The following TOX2 variants were observed in gnomAD, a reference collection of about 807,000 sequenced individuals.
The protein encoded by TOX2 is granulosa cell HMG box 1.
TOX2 carries 15 observed loss-of-function variants against 47.4 expected under a neutral mutation model. That is an observed-to-expected ratio of 0.32 (90% CI 0.21 to 0.49). The LOEUF is 0.49. TOX2 is among the 20% of genes least tolerant of loss of function. The pLI is 0.99. For synonymous variants in TOX2, 290 were observed against 296.6 expected (o/e 0.98, Z 0.23); for missense variants, 622 against 673.1 (o/e 0.92, Z 0.84).
chr20:43,960,382 C>T (rs574513918), intron 1 of TOX2, among the ~76,000 whole-genome samples: 1 of 152,276 alleles, frequency 6.6e-6, no homozygotes, highest in South Asian at 2.1e-4. Flanking sequence ...CAACACTCAC[C>T]CCCTGGGCAT....
chr20:43,975,654 C>T (rs974471373), intron 2 of TOX2, among the ~76,000 whole-genome samples: 5 of 152,138 alleles, frequency 3.3e-5, no homozygotes, highest in African/African-American at 1.2e-4. Context: ...CGTTAGGTCC[C>T]CTTTCCATGA....
intron 1 of TOX2, among the ~76,000 whole-genome samples, chr20:43,957,932 A>G (rs1166165004): frequency 6.6e-6 from 1 of 152,160 alleles, no homozygotes; most frequent in East Asian, 1.9e-4. Context: ...TATCACGAGA[A>G]CAGCAAGGGG....
At chr20:43,959,082 A>C (rs924637521) in intron 1 of TOX2, among the ~76,000 whole-genome samples, 1 of 152,188 alleles carries the variant, frequency 6.6e-6, no homozygotes, top group African/African-American at 2.4e-5. Context: ...TCAAGAACAG[A>C]GGGGTGGCTC....
intron 7 of TOX2, 26 bp from the exon 8 acceptor site, chr20:44,066,704 A>C: frequency 6.2e-7 from 1 of 1,613,934 alleles, no homozygotes; most frequent in Non-Finnish European, 8.5e-7. Flanking sequence ...TCCTTGGCTC[A>C]TGGCCTCCTC....
At chr20:44,030,204 T>G (rs1030047158) in intron 3 of TOX2, among the ~76,000 whole-genome samples, 6 of 152,278 alleles carry the variant, frequency 3.9e-5, no homozygotes, top group African/African-American at 1.4e-4. Flanking sequence ...TCTTCTCCTA[T>G]GTAAGCAGCC....
At chr20:43,939,055 A>G (rs78512137) in intron 1 of TOX2, among the ~76,000 whole-genome samples, 1,569 of 152,296 alleles carry the variant, frequency 0.01, 29 homozygotes, top group African/African-American at 0.036. Flanking sequence ...CCATCCAGAC[A>G]GGATGCCAAA....
chr20:43,964,954 C>T (rs942780014), intron 1 of TOX2, among the ~76,000 whole-genome samples: 1 of 152,190 alleles, frequency 6.6e-6, no homozygotes, highest in African/African-American at 2.4e-5. Flanking sequence ...TCTGGAAAGA[C>T]CCTCTGCCTT....
chr20:43,952,799 C>T (rs973151636), intron 1 of TOX2, among the ~76,000 whole-genome samples: 1 of 152,150 alleles, frequency 6.6e-6, no homozygotes, highest in East Asian at 1.9e-4. Context: ...CACAGTTAGT[C>T]GGTACTTACG....
intron 1 of TOX2, among the ~76,000 whole-genome samples, chr20:43,951,707 G>GGTTTGTTTTTTTT (rs745489872): frequency 1.8e-5 from 1 of 55,098 alleles, no homozygotes; most frequent in African/African-American, 5.4e-5. Flanking sequence ...AACTTATTAT[G>GGTTTGTTTTTTTT]TTTTTTTTTT....
intron 1 of TOX2, among the ~76,000 whole-genome samples, chr20:43,951,707 G>GTTTTTTTTT (rs59829203): frequency 0.026 from 1,416 of 55,024 alleles, 331 homozygotes; most frequent in African/African-American, 0.048. Context: ...AACTTATTAT[G>GTTTTTTTTT]TTTTTTTTTT....
chr20:43,973,167 G>A (rs112517940), intron 1 of TOX2, among the ~76,000 whole-genome samples, 200 bp from the exon 2 acceptor site: 264 of 152,364 alleles, frequency 1.7e-3, no homozygotes, highest in African/African-American at 6.1e-3. Flanking sequence ...GCACTCAAGG[G>A]CCGTGGAACA....
rs577556185 is a variant in TOX2, at chr20:43,940,681, A to T, written c.99+25691A>T. 7.2e-5 allele frequency among the ~76,000 whole-genome samples: 11 copies of T among 152,214 alleles called. No homozygotes were observed. The South Asian group carries it at 2.3e-3, about 32-fold the overall frequency. Reference sequence around the variant, plus strand: ...GGAGAAGAGGTGACTGCAGAGGATGAGGCAGCTATCAGGGCACCCTAGGGG... The same window carrying T: ...GGAGAAGAGGTGACTGCAGAGGATGTGGCAGCTATCAGGGCACCCTAGGGG... On this transcript the variant is annotated intron_variant, in intron 1 of 8. Transcript: ENST00000341197.
At chr20:44,049,823 C>T (rs972875385) in intron 3 of TOX2, among the ~76,000 whole-genome samples, 8 of 152,206 alleles carry the variant, frequency 5.3e-5, no homozygotes, top group Admixed American at 1.3e-4. Context: ...GACATGATTT[C>T]ATCCCTTTTT....
intron 1 of TOX2, among the ~76,000 whole-genome samples, chr20:43,963,490 T>G (rs1451003420): frequency 6.6e-6 from 1 of 152,064 alleles, no homozygotes; most frequent in Non-Finnish European, 1.5e-5. Flanking sequence ...TTGGAGGCAG[T>G]GGGGGTGGGA....
chr20:43,953,581 G>A (rs529721577), intron 1 of TOX2, among the ~76,000 whole-genome samples: 1 of 152,336 alleles, frequency 6.6e-6, no homozygotes, highest in African/African-American at 2.4e-5. Flanking sequence ...CAGGCTGGTG[G>A]CAAGGTCAGT....
chr20:44,005,930 T>C (rs576543569), intron 2 of TOX2, among the ~76,000 whole-genome samples: 11 of 151,990 alleles, frequency 7.2e-5, no homozygotes, highest in African/African-American at 2.7e-4. Flanking sequence ...CTGGACAGTT[T>C]GGCGAGGTGG....
At chr20:44,063,787 T>TACACAC (rs61481919) in intron 5 of TOX2, among the ~76,000 whole-genome samples, 4,977 of 134,056 alleles carry the variant, frequency 0.037, 111 homozygotes, top group Non-Finnish European at 0.054. Context: ...CATATATATG[T>TACACAC]ACACACACAC....
chr20:44,063,000 G>A (rs115123564), intron 5 of TOX2, among the ~76,000 whole-genome samples: 1 of 152,030 alleles, frequency 6.6e-6, no homozygotes, highest in Non-Finnish European at 1.5e-5. Flanking sequence ...CAAAATGGAT[G>A]GAAGACTTAA....
intron 8 of TOX2, 71 bp downstream of exon 8, chr20:44,066,928 G>T: frequency 6.4e-7 from 1 of 1,559,800 alleles, no homozygotes; most frequent in Non-Finnish European, 8.7e-7. Flanking sequence ...CCAGGGATGG[G>T]AGAATGGCCA....
Sources: allele counts gnomAD v4.1 joint callset (sites outside exome capture counted in the v4.1 genomes callset), GRCh38; gene constraint gnomAD v4.1.1; transcripts MANE v1.5; gene names NCBI Gene and HGNC (gene_info 2026-07-23, HGNC 2026-07-21).